GPR158: variants seen among roughly 807,000 people sequenced by gnomAD.
GPR158 encodes the protein G protein-coupled receptor 158.
A neutral mutation model predicts 78.2 loss-of-function variants in GPR158; 30 were observed. The ratio of observed to expected loss-of-function variants is 0.38; its 90% CI spans 0.29 to 0.52. GPR158 has a LOEUF of 0.52. Among genes scored for constraint, GPR158 ranks in the 20% least tolerant of loss-of-function variants. The pLI, the probability that GPR158 is intolerant of heterozygous loss-of-function variation, is 0.83. For synonymous variants in GPR158, 581 were observed against 591.1 expected, an observed-to-expected ratio of 0.98 and a Z score of 0.25; for missense variants, 1,463 against 1,523.5, an observed-to-expected ratio of 0.96 and a Z score of 0.66.
At chr10:25,293,417 A>G (rs986594318) in intron 2 of GPR158, among the ~76,000 whole-genome samples, 4 of 152,204 alleles carry the variant, frequency 2.6e-5, no homozygotes, top group African/African-American at 9.7e-5. Context: ...AATAAGGTGA[A>G]TCCTTGTTTA....
At chr10:25,514,953 C>A (rs577820424) in intron 5 of GPR158, among the ~76,000 whole-genome samples, 1 of 152,116 alleles carries the variant, frequency 6.6e-6, no homozygotes, top group East Asian at 1.9e-4. Flanking sequence ...AAGATTTTTT[C>A]CTTCATCTTG....
At chr10:25,323,871 C>T (rs149229184) in intron 2 of GPR158, among the ~76,000 whole-genome samples, 15 of 152,294 alleles carry the variant, frequency 9.8e-5, no homozygotes, top group Admixed American at 2.0e-4. Context: ...TCAGCACTTG[C>T]TGCTTCACCT....
In GPR158 at chr10:25,413,907, A is replaced by G. The variant is rs76652010; in HGVS notation, c.1335+1434A>G. ...CAATACTTATCTTTCTTTTGCAACAAACTGTGTGTTATATAATAAAAATAG... is the reference window on the plus strand; with the variant it reads ...CAATACTTATCTTTCTTTTGCAACAGACTGTGTGTTATATAATAAAAATAG... On this transcript the variant is annotated intron_variant, in intron 4 of 10. Coordinates refer to ENST00000376351, the MANE Select transcript of GPR158 (RefSeq NM_020752.3). 3.1e-3 allele frequency among the ~76,000 whole-genome samples: 470 copies of G among 152,300 alleles called. 3 individuals are homozygous for G. Among genetic ancestry groups the G allele is most frequent in the Middle Eastern group, 0.014 (4 of 294 alleles).
intron 2 of GPR158, among the ~76,000 whole-genome samples, chr10:25,256,998 G>A (rs11014473): frequency 3.9e-5 from 6 of 152,284 alleles, no homozygotes; most frequent in African/African-American, 1.4e-4. Context: ...AGATTTCTTA[G>A]CATATATGTC....
At chr10:25,246,333 G>T (rs1853688230) in intron 2 of GPR158, among the ~76,000 whole-genome samples, 1 of 152,114 alleles carries the variant, frequency 6.6e-6, no homozygotes, top group Non-Finnish European at 1.5e-5. Context: ...AGTGATTTCT[G>T]CATTTTCTGT....
chr10:25,387,034 G>A (rs1834230822), intron 2 of GPR158, among the ~76,000 whole-genome samples: 1 of 152,132 alleles, frequency 6.6e-6, no homozygotes, highest in African/African-American at 2.4e-5. Flanking sequence ...GGAGAGAGAA[G>A]GCTTTCACAC....
At position 25,316,024 on chromosome 10, in the gene GPR158, A is replaced by G. The variant is rs1280712179; in HGVS notation, c.1009-79887A>G. Among the ~76,000 whole-genome samples, 3 of 152,036 alleles carry G rather than the reference A, an allele frequency of 2.0e-5. No homozygotes were observed. In the East Asian group the frequency reaches 5.8e-4, roughly 29 times the overall value. Reference sequence around the variant, plus strand: ...GCTGAATATAAATACTGTATTTTATATTTTCTTTGCTTGAGTTCTTGAAAA... The same window carrying G: ...GCTGAATATAAATACTGTATTTTATGTTTTCTTTGCTTGAGTTCTTGAAAA... On this transcript the variant is annotated intron_variant, in intron 2 of 10. Coordinates refer to ENST00000376351, the MANE Select transcript of GPR158 (RefSeq NM_020752.3).
intron 2 of GPR158, among the ~76,000 whole-genome samples, chr10:25,255,715 G>T (rs530059670): frequency 1.6e-4 from 25 of 152,160 alleles, no homozygotes; most frequent in Non-Finnish European, 3.5e-4. Context: ...ACAACCAGGA[G>T]AATTTTTTTC....
At chr10:25,250,766 G>A (rs1386432046) in intron 2 of GPR158, among the ~76,000 whole-genome samples, 1 of 141,822 alleles carries the variant, frequency 7.1e-6, no homozygotes, top group African/African-American at 2.7e-5. Context: ...GTGTGGTGTG[G>A]TGCTGAAAAA....
chr10:25,474,750 G>A (rs67290477), intron 5 of GPR158, among the ~76,000 whole-genome samples: 1 of 151,998 alleles, frequency 6.6e-6, no homozygotes, highest in Non-Finnish European at 1.5e-5. Context: ...AATAGGCACG[G>A]AATGAGTGAA....
At chr10:25,507,437 AAACAT>A (rs1290218293) in intron 5 of GPR158, among the ~76,000 whole-genome samples, 1 of 152,226 alleles carries the variant, frequency 6.6e-6, no homozygotes, top group African/African-American at 2.4e-5. Context: ...ACTATCTATA[AAACAT>A]AGGTGATTGG....
intron 1 of GPR158, among the ~76,000 whole-genome samples, chr10:25,185,031 A>T (rs756654498): frequency 6.6e-6 from 1 of 152,176 alleles, no homozygotes; most frequent in Non-Finnish European, 1.5e-5. Flanking sequence ...TCTGGCTTCT[A>T]TCCATTAGAT....
intron 6 of GPR158, 134 bp from the exon 7 acceptor site, chr10:25,572,515 A>AAAT: frequency 1.4e-6 from 1 of 712,916 alleles, no homozygotes; most frequent in South Asian, 1.7e-5. Context: ...CAACAAAAAC[A>AAAT]AATACAAAAC....
At chr10:25,543,331 G>A (rs1179472685) in intron 5 of GPR158, among the ~76,000 whole-genome samples, 1 of 152,096 alleles carries the variant, frequency 6.6e-6, no homozygotes, top group African/African-American at 2.4e-5. Context: ...ATGTTGGCCA[G>A]GCTAGTCTCA....
intron 2 of GPR158, among the ~76,000 whole-genome samples, chr10:25,360,805 A>G (rs952883938): frequency 6.6e-6 from 1 of 152,064 alleles, no homozygotes; most frequent in Non-Finnish European, 1.5e-5. Flanking sequence ...AAAGAAAGTC[A>G]TTGGTAGCTT....
At chr10:25,502,066 G>A (rs1361669039) in intron 5 of GPR158, among the ~76,000 whole-genome samples, 9 of 152,062 alleles carry the variant, frequency 5.9e-5, no homozygotes, top group Admixed American at 3.9e-4. Context: ...TAGAAAACAC[G>A]CCCAGTGCCC....
chr10:25,576,376 A>G (rs1837096202), intron 7 of GPR158, among the ~76,000 whole-genome samples: 1 of 152,070 alleles, frequency 6.6e-6, no homozygotes, highest in Non-Finnish European at 1.5e-5. Context: ...TCCCTCTACA[A>G]TAGCTCTTTA....
At chr10:25,356,836 C>A (rs559433512) in intron 2 of GPR158, among the ~76,000 whole-genome samples, 1 of 151,920 alleles carries the variant, frequency 6.6e-6, no homozygotes, top group Non-Finnish European at 1.5e-5. Context: ...TATTAAAATA[C>A]CTGAAAATGT....
chr10:25,239,756 C>T (rs1350180471), intron 2 of GPR158, among the ~76,000 whole-genome samples: 1 of 152,128 alleles, frequency 6.6e-6, no homozygotes, highest in African/African-American at 2.4e-5. Flanking sequence ...GTTGGATAGG[C>T]TAGTCTATTG....
Sources: gnomAD v4.1 joint callset for allele counts (sites outside exome capture counted in the v4.1 genomes callset) on GRCh38, gnomAD v4.1.1 for gene constraint, MANE v1.5 for transcripts, NCBI Gene and HGNC (gene_info 2026-07-23, HGNC 2026-07-21) for gene names.